Variants in FAM81B observed in about 807,000 individuals in gnomAD.
FAM81B encodes family with sequence similarity 81 member B, also known as protein FAM81B.
In FAM81B, 60 loss-of-function variants were observed where a neutral mutation model predicts 58.7. The ratio of observed to expected loss-of-function variants is 1.02; its 90% CI spans 0.83 to 1.27. FAM81B has a LOEUF of 1.27. FAM81B is among the 50% of genes most tolerant of loss of function. The probability of loss-of-function intolerance (pLI) is 0.00; values close to 1 mark genes in which losing one functional copy is unlikely to be tolerated. For synonymous variants in FAM81B, 189 were observed against 179.6 expected (o/e 1.05, Z -0.42); for missense variants, 491 against 522.0 (o/e 0.94, Z 0.58).
chr5:95,400,541 A>G (rs540420457), intron 3 of FAM81B, among the ~76,000 whole-genome samples: 23 of 152,206 alleles, frequency 1.5e-4, no homozygotes, highest in Non-Finnish European at 1.5e-5. Context: ...AACTAATTAT[A>G]TCTGCAAGAC....
chr5:95,417,904 T>A (rs1305023696), intron 4 of FAM81B, among the ~76,000 whole-genome samples: 1 of 152,216 alleles, frequency 6.6e-6, no homozygotes, highest in Non-Finnish European at 1.5e-5. Context: ...CTATCTTAAT[T>A]GTATTTACAG....
chr5:95,415,650 A>C (rs536353532), intron 4 of FAM81B, among the ~76,000 whole-genome samples: 9 of 152,350 alleles, frequency 5.9e-5, no homozygotes, highest in African/African-American at 2.2e-4. Flanking sequence ...TAGAAAATCA[A>C]GTAAGTACAG....
chr5:95,399,366 A>G (rs1045699964), intron 3 of FAM81B, among the ~76,000 whole-genome samples: 2 of 152,166 alleles, frequency 1.3e-5, no homozygotes, highest in Admixed American at 6.5e-5. Context: ...AATGCATGAG[A>G]AAGGAAGACA....
rs751974381 is a variant in FAM81B at position 95,446,562 on chromosome 5, A to G, written c.894A>G (p.Lys298=). The G allele has an allele frequency of 6.3e-6, 10 of 1,576,310 alleles. No homozygotes were observed. In the African/African-American group the frequency reaches 1.1e-4, roughly 17 times the overall value. ...YRHEMNLLEF[K]FHSLSSNLYE... is the part of the protein sequence containing the mutation. ...TGAAACAAAACATTTTTTCCCATAG[A>G]TTTCATTCACTTTCAAGTAATCTGT... The change falls in exon 8 of 10, where the codon AAA becomes AAG. Residue 298 remains lysine, a splice_region_variant and synonymous_variant. Coordinates refer to ENST00000283357, the MANE Select transcript of FAM81B (RefSeq NM_152548.3).
rs1561318065 is a variant in FAM81B at position 95,448,390 on chromosome 5, T to C, written c.1151T>C (p.Leu384Ser). 3.1e-6 allele frequency: 5 copies of C among 1,612,906 alleles called. No homozygotes were observed. Among genetic ancestry groups the C allele is most frequent in the Non-Finnish European group, 4.2e-6 (5 of 1,179,670 alleles). The stretch of plus-strand genomic sequence containing the variant: ...AAAGTAAAGCATATGGAAAATAAAT[T>C]GTCCAAAAAGATGGAACAAATGGAA... The part of the protein sequence containing the change: ...LSKVKHMENK[L>S]SKKMEQMEKQ... The change falls in exon 9 of 10, where the codon TTG becomes TCG. Residue 384 changes from leucine to serine, a missense_variant. Physicochemically the swap from Leu to Ser is moderately radical, Grantham distance 145. Transcript: ENST00000283357.
chr5:95,436,427 C>T (rs571743191), intron 6 of FAM81B, among the ~76,000 whole-genome samples: 8 of 152,146 alleles, frequency 5.3e-5, no homozygotes, highest in Admixed American at 3.9e-4. Flanking sequence ...TAATAGCATA[C>T]CATATCTTGT....
intron 7 of FAM81B, among the ~76,000 whole-genome samples, chr5:95,444,217 A>G (rs1297116396): frequency 6.6e-6 from 1 of 152,222 alleles, no homozygotes; most frequent in Non-Finnish European, 1.5e-5. Context: ...TTAGCCAACT[A>G]TTTATTGAGC....
At chr5:95,419,500 TTC>T (rs1387278646) in intron 4 of FAM81B, among the ~76,000 whole-genome samples, 1 of 152,190 alleles carries the variant, frequency 6.6e-6, no homozygotes, top group Non-Finnish European at 1.5e-5. Flanking sequence ...TACAATTTTT[TTC>T]TATGGACAAG....
chr5:95,422,293 A>G (rs899061489), intron 5 of FAM81B, among the ~76,000 whole-genome samples: 2 of 149,662 alleles, frequency 1.3e-5, no homozygotes, highest in African/African-American at 4.9e-5. Flanking sequence ...GTGAATTTAT[A>G]TTATATATTA....
At chr5:95,405,023 A>G (rs2152761724) in intron 3 of FAM81B, among the ~76,000 whole-genome samples, 1 of 152,340 alleles carries the variant, frequency 6.6e-6, no homozygotes, top group South Asian at 2.1e-4. Context: ...GCTACCATTT[A>G]CACTTTAGAA....
chr5:95,444,341 TG>T (rs1745474463), intron 7 of FAM81B, among the ~76,000 whole-genome samples: 1 of 152,118 alleles, frequency 6.6e-6, no homozygotes, highest in East Asian at 1.9e-4. Context: ...CGTCAGATGG[TG>T]ATGAGAATTT....
At position 95,448,341 on chromosome 5, in the gene FAM81B, C is replaced by A. The variant is rs756787447; in HGVS notation, c.1102C>A (p.Gln368Lys). The A allele has an allele frequency of 6.2e-7, 1 of 1,611,840 alleles. No individual in the cohort carries two copies. ...CAAAGTAGAGAATTTCATTAACACA[C>A]AGAAACAGGAAACACAACTAAGTAA... ...SSKVENFINTQKQETQLSKVK... is the reference protein window; with the variant it reads ...SSKVENFINTKKQETQLSKVK... Residue 368 changes from glutamine (Q) to lysine (K), a missense_variant, in exon 9 of 10, where the codon CAG becomes AAG. Coordinates refer to ENST00000283357, the MANE Select transcript of FAM81B (RefSeq NM_152548.3).
chr5:95,420,388 A>C lies in FAM81B; in HGVS notation c.642A>C (p.Arg214=). The change falls in exon 5 of 10, where the codon CGA becomes CGC. Residue 214 remains arginine, a synonymous_variant. Transcript: ENST00000283357. The part of the protein sequence containing the change: ...IKHLQGVGDL[R]GRVARCDSSI... Reference sequence around the variant, plus strand: ...ACCTACAAGGAGTTGGAGATCTTCGAGGAAGAGTAGCCAGGTGAGAAGAAG... The same window carrying C: ...ACCTACAAGGAGTTGGAGATCTTCGCGGAAGAGTAGCCAGGTGAGAAGAAG... The C allele has an allele frequency of 1.2e-6, 2 of 1,613,712 alleles. No homozygotes were observed. Among genetic ancestry groups the C allele is most frequent in the South Asian group, 2.2e-5 (2 of 91,068 alleles).
Position 95,448,347 on chromosome 5 carries a change from C to T in FAM81B, c.1108C>T (p.Gln370Ter). The T allele has an allele frequency of 6.2e-7, 1 of 1,612,132 alleles. No homozygotes were observed. Among genetic ancestry groups the T allele is most frequent in the Non-Finnish European group, 8.5e-7 (1 of 1,179,434 alleles). The change falls in exon 9 of 10, where the codon CAG (glutamine) becomes TAG (stop). Residue 370 changes from glutamine to a stop codon, truncating the protein, a stop_gained. Coordinates refer to ENST00000283357, the MANE Select transcript of FAM81B (RefSeq NM_152548.3). LOFTEE classifies it high-confidence loss of function. ...KVENFINTQK[Q>*]ETQLSKVKHM... Reference sequence around the variant, plus strand: ...AGAGAATTTCATTAACACACAGAAACAGGAAACACAACTAAGTAAAGTAAA... The same window carrying T: ...AGAGAATTTCATTAACACACAGAAATAGGAAACACAACTAAGTAAAGTAAA...
At chr5:95,441,290 G>T (rs1175133702) in intron 7 of FAM81B, among the ~76,000 whole-genome samples, 4 of 152,092 alleles carry the variant, frequency 2.6e-5, no homozygotes, top group African/African-American at 9.7e-5. Flanking sequence ...TATGCATCTG[G>T]CCGGGCGCGA....
At chr5:95,398,488 G>C (rs543889838) in intron 3 of FAM81B, among the ~76,000 whole-genome samples, 1 of 152,022 alleles carries the variant, frequency 6.6e-6, no homozygotes, top group African/African-American at 2.4e-5. Flanking sequence ...TTTTCATTGG[G>C]TGACAACAAA....
At chr5:95,421,658 T>G (rs1762688490) in intron 5 of FAM81B, among the ~76,000 whole-genome samples, 2 of 134,296 alleles carry the variant, frequency 1.5e-5, no homozygotes, top group Non-Finnish European at 3.3e-5. Flanking sequence ...ACATTCTAGT[T>G]GCAGTGAATT....
At chr5:95,421,445 G>A (rs1216530301) in intron 5 of FAM81B, among the ~76,000 whole-genome samples, 1 of 152,204 alleles carries the variant, frequency 6.6e-6, no homozygotes, top group Non-Finnish European at 1.5e-5. Flanking sequence ...ATGTTCATGG[G>A]CCTACCTGGG....
intron 5 of FAM81B, among the ~76,000 whole-genome samples, chr5:95,427,883 T>G (rs1047443793): frequency 6.6e-6 from 1 of 152,122 alleles, no homozygotes; most frequent in African/African-American, 2.4e-5. Flanking sequence ...TGTGGTTCTG[T>G]GTGTTATCTT....
Sources: gnomAD v4.1 joint callset for allele counts (sites outside exome capture counted in the v4.1 genomes callset) on GRCh38, gnomAD v4.1.1 for gene constraint, MANE v1.5 for transcripts, NCBI Gene and HGNC (gene_info 2026-07-23, HGNC 2026-07-21) for gene names.